Variants in WBP4 observed in about 807,000 individuals in gnomAD.
The protein encoded by WBP4 is WW domain-binding protein 4.
WBP4 carries 37 observed loss-of-function variants against 55.4 expected under a neutral mutation model. The ratio of observed to expected loss-of-function variants is 0.67; its 90% CI spans 0.51 to 0.88. The LOEUF is 0.88. WBP4 is among the 40% of genes least tolerant of loss of function. WBP4 has a pLI of 0.00. For synonymous variants in WBP4, 142 were observed against 140.2 expected, an observed-to-expected ratio of 1.01 and a Z score of -0.09; for missense variants, 398 against 420.8, an observed-to-expected ratio of 0.95 and a Z score of 0.47.
rs573843512 is a variant in WBP4, at chr13:41,081,326, T to C, written c.920+517T>C. On this transcript the variant is annotated intron_variant, in intron 9 of 9. Transcript: ENST00000379487. ...CCAGCCTGGCCAACATGGCAAAACTTTCTCTCTACCAAAAAAAAAAAACTT... is the reference window on the plus strand; with the variant it reads ...CCAGCCTGGCCAACATGGCAAAACTCTCTCTCTACCAAAAAAAAAAAACTT... Among the ~76,000 whole-genome samples the C allele has an allele frequency of 2.0e-5, 3 of 151,334 alleles. No individual in the cohort carries two copies. In the South Asian group the frequency reaches 6.3e-4, roughly 32 times the overall value.
At chr13:41,075,010 G>A (rs775933923) in intron 7 of WBP4, among the ~76,000 whole-genome samples, 7 of 152,210 alleles carry the variant, frequency 4.6e-5, no homozygotes, top group African/African-American at 1.4e-4. Context: ...TTGTTAACTT[G>A]TGTGAAATGT....
At position 41,082,936 on chromosome 13, in the gene WBP4, A is replaced by G. The variant is rs543204434; in HGVS notation, c.*22A>G. On this transcript the variant is annotated 3_prime_UTR_variant, in exon 10 of 10. Coordinates refer to ENST00000379487, the MANE Select transcript of WBP4 (RefSeq NM_007187.5). ...ATAGTTGCAGGAGAGCTTTTTGTACATGCTTTTAGGACAGAATGGAGACTT... is the reference window on the plus strand; with the variant it reads ...ATAGTTGCAGGAGAGCTTTTTGTACGTGCTTTTAGGACAGAATGGAGACTT... The G allele has an allele frequency of 7.6e-5, 123 of 1,611,746 alleles. No individual in the cohort carries two copies. In the South Asian group the frequency reaches 1.3e-3, roughly 16 times the overall value.
Position 41,065,088 on chromosome 13 carries a change from AT to A in WBP4, c.138+12del, listed in dbSNP as rs1159649881. On this transcript the variant is annotated intron_variant, in intron 3 of 9. Transcript: ENST00000379487. ...AAAAAGGATCAGTGAGGTAATTTAG[AT>A]TGTTTATTTGCTAATTTTTCTATGC... 2 of 1,600,528 alleles carry A rather than the reference AT, an allele frequency of 1.2e-6. No homozygotes were observed. The highest frequency in any genetic ancestry group is 1.7e-6 in the Non-Finnish European group (2 of 1,176,620).
At chr13:41,070,048 C>A (rs1878171447) in intron 5 of WBP4, among the ~76,000 whole-genome samples, 1 of 152,024 alleles carries the variant, frequency 6.6e-6, no homozygotes, top group African/African-American at 2.4e-5. Flanking sequence ...ATCTTACTCT[C>A]CAGAGTCATA....
chr13:41,061,750 T>C, intron 1 of WBP4, 75 bp downstream of exon 1: 4 of 1,603,800 alleles, frequency 2.5e-6, no homozygotes, highest in Non-Finnish European at 3.4e-6. Flanking sequence ...GGTCTTCCCC[T>C]CCTCTCCTCC....
intron 9 of WBP4, among the ~76,000 whole-genome samples, chr13:41,082,344 G>C (rs1051181251): frequency 2.6e-5 from 4 of 152,002 alleles, no homozygotes; most frequent in African/African-American, 9.7e-5. Context: ...AAACTCCTGA[G>C]CTCAAGTGAT....
rs1877749068 is a variant in WBP4 at position 41,062,696 on chromosome 13, T to A, written c.55T>A (p.Trp19Arg). Residue 19 changes from tryptophan (W) to arginine (R), a missense_variant, in exon 2 of 10, where the codon TGG becomes AGG. Transcript: ENST00000379487. ...GAAATTCTGTGATTACTGCAAGTGC[T>A]GGATAGCAGACAATAGGCCTGTATG... ...PKKFCDYCKC[W>R]IADNRPSVEF... 1 of 1,613,684 alleles carries A rather than the reference T, an allele frequency of 6.2e-7. No homozygotes were observed. Among genetic ancestry groups the A allele is most frequent in the South Asian group, 1.1e-5 (1 of 91,008 alleles).
At position 41,083,053 on chromosome 13, in the gene WBP4, AAT is replaced by A; in HGVS notation, c.*142_*143del. ...AATGTATTTGATGTGAATTAAAATA[AAT>A]ATTTTTTCATGTGAAATTTATTTTG... On this transcript the variant is annotated 3_prime_UTR_variant, in exon 10 of 10. Transcript: ENST00000379487. 2.3e-6 allele frequency: 2 copies of A among 875,950 alleles called. No individual in the cohort carries two copies. The highest frequency in any genetic ancestry group is 3.4e-6 in the Non-Finnish European group (2 of 594,130). 54.3% of individuals were successfully genotyped at this position (875,950 alleles called of 1,614,324 possible).
At chr13:41,070,747 G>A (rs1878206312) in intron 5 of WBP4, among the ~76,000 whole-genome samples, 1 of 152,154 alleles carries the variant, frequency 6.6e-6, no homozygotes, top group South Asian at 2.1e-4. Flanking sequence ...AAGAAGGTGA[G>A]TGTTACATAT....
intron 4 of WBP4, 112 bp downstream of exon 4, chr13:41,065,399 C>CT: frequency 7.2e-7 from 1 of 1,381,770 alleles, no homozygotes. Flanking sequence ...TCAGTGTACT[C>CT]TCAGTGCTTT....
chr13:41,067,264 A>AT (rs1250218324), intron 4 of WBP4, among the ~76,000 whole-genome samples: 3 of 152,078 alleles, frequency 2.0e-5, no homozygotes, highest in Non-Finnish European at 4.4e-5. Context: ...AAAACTACCC[A>AT]TTTTTTCAAA....
rs1593423022 is a variant in WBP4 at position 41,062,684 on chromosome 13, T to C, written c.43T>C (p.Tyr15His). The C allele has an allele frequency of 6.2e-7, 1 of 1,613,752 alleles. No homozygotes were observed. The highest frequency in any genetic ancestry group is 8.5e-7 in the Non-Finnish European group (1 of 1,179,830). ...GTCACAGCCAAAGAAATTCTGTGAT[T>C]ACTGCAAGTGCTGGATAGCAGACAA... ...WKSQPKKFCD[Y>H]CKCWIADNRP... Residue 15 changes from tyrosine (Y) to histidine (H), a missense_variant, in exon 2 of 10, where the codon TAC becomes CAC. By Grantham distance (83) the Tyr-to-His change is moderately conservative. Coordinates refer to ENST00000379487, the MANE Select transcript of WBP4 (RefSeq NM_007187.5).
At chr13:41,071,811 G>C (rs1878258154) in intron 6 of WBP4, among the ~76,000 whole-genome samples, 1 of 152,048 alleles carries the variant, frequency 6.6e-6, no homozygotes, top group African/African-American at 2.4e-5. Context: ...GGGAGGCTGA[G>C]GCATGTGGAT....
At chr13:41,080,090 G>C (rs1878700346) in intron 8 of WBP4, among the ~76,000 whole-genome samples, 2 of 152,132 alleles carry the variant, frequency 1.3e-5, no homozygotes, top group Non-Finnish European at 2.9e-5. Context: ...GAGGTGAGTT[G>C]AACATGTGTC....
Position 41,082,103 on chromosome 13 carries a change from G to T in WBP4, c.921-601G>T, listed in dbSNP as rs552811798. Among the ~76,000 whole-genome samples the T allele has an allele frequency of 5.3e-5, 8 of 152,222 alleles. 1 individual carries two copies. The highest frequency in any genetic ancestry group is 1.7e-4 in the African/African-American group (7 of 41,522). On this transcript the variant is annotated intron_variant, in intron 9 of 9. Coordinates refer to ENST00000379487, the MANE Select transcript of WBP4 (RefSeq NM_007187.5). The stretch of plus-strand genomic sequence containing the variant: ...TTATTTATAATTAATCATGTGGATG[G>T]TTGAAGGGCTAGTTCTTAGCAAAGG...
At position 41,073,513 on chromosome 13, in the gene WBP4, CAAA is replaced by C. The variant is rs147840333; in HGVS notation, c.562+670_562+672del. Among the ~76,000 whole-genome samples, 9 of 112,186 alleles carry C rather than the reference CAAA, an allele frequency of 8.0e-5. No individual in the cohort carries two copies. The South Asian group carries it at 1.4e-3, about 17-fold the overall frequency. The allele number at this position is 112,186 out of a possible 152,430, so 73.6% of individuals were successfully genotyped here. The stretch of plus-strand genomic sequence containing the variant: ...GGGCAACAAGAGCAAAACTCTGTCT[CAAA>C]AAAAAAAAAAAAAGTAGGCTAGGCG... On this transcript the variant is annotated intron_variant, in intron 7 of 9. Coordinates refer to ENST00000379487, the MANE Select transcript of WBP4 (RefSeq NM_007187.5).
chr13:41,080,907 TA>T, intron 9 of WBP4, 98 bp downstream of exon 9: 2 of 1,323,836 alleles, frequency 1.5e-6, no homozygotes, highest in Non-Finnish European at 2.1e-6. Context: ...ATGCTGTGCT[TA>T]TTAAAAGTAT....
At chr13:41,076,423 T>C (rs9566687) in intron 8 of WBP4, among the ~76,000 whole-genome samples, 186 bp downstream of exon 8, 11,999 of 151,624 alleles carry the variant, frequency 0.079, 1,140 homozygotes, top group East Asian at 0.21. Flanking sequence ...GGACTACAGG[T>C]GTGTGCCACC....
intron 7 of WBP4, among the ~76,000 whole-genome samples, chr13:41,075,522 C>A (rs142132658): frequency 6.6e-6 from 1 of 152,214 alleles, no homozygotes; most frequent in African/African-American, 2.4e-5. Context: ...GTGGGTACTG[C>A]AGGAATATGG....
Sources: gnomAD v4.1 joint callset for allele counts (sites outside exome capture counted in the v4.1 genomes callset) on GRCh38, gnomAD v4.1.1 for gene constraint, MANE v1.5 for transcripts, NCBI Gene and HGNC (gene_info 2026-07-23, HGNC 2026-07-21) for gene names.